The following TMEM132B variants were observed in gnomAD, a reference collection of about 807,000 sequenced individuals.
TMEM132B encodes the protein transmembrane protein 132B.
In TMEM132B, 18 loss-of-function variants were observed where a neutral mutation model predicts 90.8. That is an observed-to-expected ratio of 0.20 (90% CI 0.14 to 0.29). The LOEUF is 0.29. TMEM132B is among the 10% of genes least tolerant of loss of function. The pLI is 1.00. For missense variants in TMEM132B, 1,096 were observed against 1,326.8 expected (o/e 0.83, Z 2.70); for synonymous variants, 504 against 523.3 (o/e 0.96, Z 0.50).
chr12:125,378,766 C>G (rs1199843824), intron 2 of TMEM132B, among the ~76,000 whole-genome samples: 1 of 152,178 alleles, frequency 6.6e-6, no homozygotes, highest in African/African-American at 2.4e-5. Flanking sequence ...GTCCCCACTC[C>G]TGCAAACAAG....
At chr12:125,527,241 CCCATCCACCCTT>C (rs1452811282) in intron 4 of TMEM132B, among the ~76,000 whole-genome samples, 7 of 138,400 alleles carry the variant, frequency 5.1e-5, no homozygotes, top group African/African-American at 2.1e-4. Context: ...CTTCCATCCA[CCCATCCACCCTT>C]CCATCCACCC....
intron 1 of TMEM132B, among the ~76,000 whole-genome samples, chr12:125,291,396 C>T (rs549435273): frequency 2.0e-5 from 3 of 152,292 alleles, no homozygotes; most frequent in African/African-American, 7.2e-5. Context: ...ATCACTGGAG[C>T]TCTTTAGATG....
chr12:125,597,724 G>T (rs562267554), intron 5 of TMEM132B, among the ~76,000 whole-genome samples: 2 of 152,284 alleles, frequency 1.3e-5, no homozygotes, highest in East Asian at 3.9e-4. Flanking sequence ...TCCAGTGCCT[G>T]CCGGGTGCCT....
At chr12:125,196,580 A>T (rs546228136) in intron 1 of TMEM132B, among the ~76,000 whole-genome samples, 1 of 152,206 alleles carries the variant, frequency 6.6e-6, no homozygotes, top group Non-Finnish European at 1.5e-5. Context: ...ATGGTGGTAC[A>T]TGCCTGTGGC....
chr12:125,211,498 T>G (rs1278109307), intron 1 of TMEM132B, among the ~76,000 whole-genome samples: 1 of 152,234 alleles, frequency 6.6e-6, no homozygotes, highest in African/African-American at 2.4e-5. Flanking sequence ...GCAGACCAGC[T>G]GTCTGCTGCC....
At chr12:125,646,401 A>C (rs1197272891) in intron 6 of TMEM132B, among the ~76,000 whole-genome samples, 1 of 152,224 alleles carries the variant, frequency 6.6e-6, no homozygotes, top group East Asian at 1.9e-4. Context: ...ATTTTAAGAG[A>C]TTCATTGTCA....
chr12:125,438,834 CA>C (rs1880778456), intron 3 of TMEM132B, among the ~76,000 whole-genome samples: 1 of 152,186 alleles, frequency 6.6e-6, no homozygotes, highest in African/African-American at 2.4e-5. Flanking sequence ...AATCATTCTG[CA>C]ATTTGCCTAT....
At chr12:125,624,976 G>A (rs1027929551) in intron 5 of TMEM132B, among the ~76,000 whole-genome samples, 12 of 151,962 alleles carry the variant, frequency 7.9e-5, no homozygotes, top group African/African-American at 2.7e-4. Context: ...CAGTTCTGTC[G>A]CACCCTCACC....
intron 5 of TMEM132B, among the ~76,000 whole-genome samples, chr12:125,588,632 C>T (rs1885234115): frequency 6.6e-6 from 1 of 152,112 alleles, no homozygotes; most frequent in South Asian, 2.1e-4. Flanking sequence ...CCCTCTACAC[C>T]TGGGTTTTTA....
intron 3 of TMEM132B, among the ~76,000 whole-genome samples, chr12:125,441,502 A>C (rs1880869778): frequency 6.6e-6 from 1 of 152,242 alleles, no homozygotes; most frequent in African/African-American, 2.4e-5. Context: ...GTTTCTTTCT[A>C]AATGCAAACA....
At chr12:125,192,994 G>A (rs1046437388) in intron 1 of TMEM132B, among the ~76,000 whole-genome samples, 4 of 152,100 alleles carry the variant, frequency 2.6e-5, no homozygotes, top group South Asian at 2.1e-4. Flanking sequence ...CAACAACGGC[G>A]TGCTGATGCC....
At chr12:125,555,927 T>C (rs1884374123) in intron 4 of TMEM132B, among the ~76,000 whole-genome samples, 1 of 152,174 alleles carries the variant, frequency 6.6e-6, no homozygotes, top group African/African-American at 2.4e-5. Flanking sequence ...TAAGCTGTCA[T>C]GCAACTTTGA....
chr12:125,500,736 G>T (rs572590723), intron 3 of TMEM132B, among the ~76,000 whole-genome samples: 1 of 152,176 alleles, frequency 6.6e-6, no homozygotes, highest in African/African-American at 2.4e-5. Flanking sequence ...GTGAGGTTAC[G>T]TGGATGTCCT....
At position 125,433,897 on chromosome 12, in the gene TMEM132B, C is replaced by T. The variant is rs193251805; in HGVS notation, c.1106+18220C>T. Among the ~76,000 whole-genome samples, 224 of 152,136 alleles carry T rather than the reference C, an allele frequency of 1.5e-3. 2 individuals are homozygous for T. The highest frequency in any genetic ancestry group is 0.01 in the South Asian group (49 of 4,812). ...TCTTTTCCTTTCGTATGTGTTATTT[C>T]GCCTTGGAAGGGGGCTCTGCAAATT... On this transcript the variant is annotated intron_variant, in intron 3 of 8. Transcript: ENST00000682704.
intron 4 of TMEM132B, among the ~76,000 whole-genome samples, chr12:125,547,864 T>TGTCTGCC (rs1884130397): frequency 6.6e-6 from 1 of 152,204 alleles, no homozygotes; most frequent in Admixed American, 6.5e-5. Flanking sequence ...CTCTGTGATC[T>TGTCTGCC]GTCTGCCTGC....
chr12:125,344,406 C>G (rs921923516), intron 1 of TMEM132B, among the ~76,000 whole-genome samples: 12 of 152,196 alleles, frequency 7.9e-5, no homozygotes, highest in African/African-American at 2.9e-4. Flanking sequence ...GCTGTTGTCA[C>G]CTTTTGGGCT....
At chr12:125,274,247 T>G (rs1389343144) in intron 1 of TMEM132B, among the ~76,000 whole-genome samples, 3 of 152,224 alleles carry the variant, frequency 2.0e-5, no homozygotes, top group African/African-American at 4.8e-5. Flanking sequence ...AGCTGTATGC[T>G]CTTCCATTCT....
rs185862265 is a variant in TMEM132B at position 125,425,247 on chromosome 12, A to G, written c.1106+9570A>G. Among the ~76,000 whole-genome samples, 375 of 152,334 alleles carry G rather than the reference A, an allele frequency of 2.5e-3. 2 individuals are homozygous for G. The highest frequency in any genetic ancestry group is 4.7e-3 in the Non-Finnish European group (323 of 68,020). ...TTATTTGTTACCACAGCATAACATA[A>G]TCTATCCTGACTTGTACAAAGAATT... On this transcript the variant is annotated intron_variant, in intron 3 of 8. Transcript: ENST00000682704.
At chr12:125,586,006 G>C (rs1885171380) in intron 5 of TMEM132B, 1 of 152,194 alleles carries the variant, frequency 6.6e-6, no homozygotes, top group Non-Finnish European at 1.5e-5. Context: ...AATGTTTGTA[G>C]TAAATTTTAC....
Sources: allele counts gnomAD v4.1 joint callset (sites outside exome capture counted in the v4.1 genomes callset), GRCh38; gene constraint gnomAD v4.1.1; transcripts MANE v1.5; gene names NCBI Gene and HGNC (gene_info 2026-07-23, HGNC 2026-07-21).